The following GRIK4 variants were observed in gnomAD, a reference collection of about 807,000 sequenced individuals.
GRIK4 encodes the protein glutamate ionotropic receptor kainate type subunit 4, also known as glutamate receptor ionotropic, kainate 4.
Under a neutral mutation model 104.9 loss-of-function variants are expected in GRIK4, and 40 were observed. That is an observed-to-expected ratio of 0.38 (90% CI 0.30 to 0.50). The LOEUF is 0.50. GRIK4 is among the 20% of genes least tolerant of loss of function. The pLI is 0.93. For synonymous variants in GRIK4, 485 were observed against 524.9 expected, an observed-to-expected ratio of 0.92 and a Z score of 1.04; for missense variants, 1,047 against 1,308.1, an observed-to-expected ratio of 0.80 and a Z score of 3.08.
At chr11:120,674,299 T>C (rs1478021960) in intron 3 of GRIK4, among the ~76,000 whole-genome samples, 1 of 152,216 alleles carries the variant, frequency 6.6e-6, no homozygotes, top group African/African-American at 2.4e-5. Context: ...GGTGGGGATC[T>C]GGCCTCTAGG....
intron 8 of GRIK4, among the ~76,000 whole-genome samples, chr11:120,847,254 C>T (rs1377422470): frequency 6.6e-6 from 1 of 152,192 alleles, no homozygotes; most frequent in African/African-American, 2.4e-5. Context: ...ACACAGTTCA[C>T]ACATTCCCTA....
Position 120,511,896 on chromosome 11 carries a change from AGCGGCCCCCC to A in GRIK4, c.-159+15_-159+24del, listed in dbSNP as rs1232587659. 48 of 155,166 alleles carry A rather than the reference AGCGGCCCCCC, an allele frequency of 3.1e-4. No individual in the cohort carries two copies. Among genetic ancestry groups the A allele is most frequent in the African/African-American group, 1.1e-3 (41 of 36,368 alleles). 9.6% of individuals were successfully genotyped at this position (155,166 alleles called of 1,614,324 possible). Reference sequence around the variant, plus strand: ...AGTGCGGAGCCGACCAGGTAAGGGCAGCGGCCCCCCGCGGCGCCCCCGGCCCGCTCCCTGC... The same window carrying A: ...AGTGCGGAGCCGACCAGGTAAGGGCAGCGGCGCCCCCGGCCCGCTCCCTGC... On this transcript the variant is annotated intron_variant, in intron 1 of 20. Transcript: ENST00000527524.
Position 120,899,519 on chromosome 11 carries a change from C to T in GRIK4, c.1272+880C>T, listed in dbSNP as rs549662803. Among the ~76,000 whole-genome samples the T allele has an allele frequency of 2.6e-4, 39 of 152,080 alleles. No individual in the cohort carries two copies. In the South Asian group the frequency reaches 7.9e-3, roughly 31 times the overall value. On this transcript the variant is annotated intron_variant, in intron 12 of 20. Transcript: ENST00000527524. ...AATTGCCAAGTTCACCCTCCCTTCC[C>T]TGTCCCCCTGCCATGTGCCAGGTGC...
intron 3 of GRIK4, among the ~76,000 whole-genome samples, chr11:120,801,989 G>T (rs1182785738): frequency 1.3e-5 from 2 of 152,170 alleles, no homozygotes; most frequent in Admixed American, 1.3e-4. Flanking sequence ...GGCAACTGTT[G>T]GTATTACACC....
At chr11:120,947,335 G>GAGGTTGT (rs1565455927) in intron 14 of GRIK4, among the ~76,000 whole-genome samples, 1 of 151,694 alleles carries the variant, frequency 6.6e-6, no homozygotes, top group African/African-American at 2.4e-5. Flanking sequence ...CCGGGAGGTG[G>GAGGTTGT]AGGTTGTAGT....
intron 1 of GRIK4, among the ~76,000 whole-genome samples, chr11:120,522,786 T>G (rs34160337): frequency 0.087 from 13,312 of 152,222 alleles, 659 homozygotes; most frequent in African/African-American, 0.13. Context: ...CAACAGCCTG[T>G]GGGCCTAGAG....
intron 2 of GRIK4, among the ~76,000 whole-genome samples, chr11:120,654,757 C>G (rs1469568819): frequency 6.6e-6 from 1 of 152,120 alleles, no homozygotes; most frequent in African/African-American, 2.4e-5. Context: ...ATTAACATCC[C>G]CATATTACGA....
chr11:120,833,876 G>A (rs1416017871), intron 7 of GRIK4, among the ~76,000 whole-genome samples: 4 of 152,120 alleles, frequency 2.6e-5, no homozygotes, highest in Admixed American at 6.5e-5. Flanking sequence ...ATTCTATGCC[G>A]TGCATTTTCC....
rs559890994 is a variant in GRIK4 at position 120,545,517 on chromosome 11, C to T, written c.-159+33630C>T. Among the ~76,000 whole-genome samples, 4 of 152,294 alleles carry T rather than the reference C, an allele frequency of 2.6e-5. No individual in the cohort carries two copies. The South Asian group carries it at 6.2e-4, about 24-fold the overall frequency. On this transcript the variant is annotated intron_variant, in intron 1 of 20. Transcript: ENST00000527524. ...GTAAGCACTATTCGAGGTGTTTTGACGTACGATTATTATTAACCATTCTTT... is the reference window on the plus strand; with the variant it reads ...GTAAGCACTATTCGAGGTGTTTTGATGTACGATTATTATTAACCATTCTTT...
chr11:120,652,738 T>C (rs572708831), intron 1 of GRIK4, among the ~76,000 whole-genome samples: 1 of 152,210 alleles, frequency 6.6e-6, no homozygotes, highest in African/African-American at 2.4e-5. Flanking sequence ...CCACAGAGAC[T>C]GGTGGCTATC....
At chr11:120,554,282 G>T (rs183800470) in intron 1 of GRIK4, among the ~76,000 whole-genome samples, 1 of 152,192 alleles carries the variant, frequency 6.6e-6, no homozygotes. Flanking sequence ...TTCTAAAACC[G>T]CTCTGGATAG....
At chr11:120,674,510 A>G (rs11217961) in intron 3 of GRIK4, among the ~76,000 whole-genome samples, 23,695 of 152,216 alleles carry the variant, frequency 0.16, 2,004 homozygotes, top group South Asian at 0.23. Flanking sequence ...AGTGTCTAAA[A>G]ATCACTGCAT....
At chr11:120,805,283 C>G (rs1007170455) in intron 4 of GRIK4, among the ~76,000 whole-genome samples, 3 of 152,170 alleles carry the variant, frequency 2.0e-5, no homozygotes, top group Admixed American at 6.5e-5. Context: ...GTAGTCCATA[C>G]TTTGAAAAGC....
intron 8 of GRIK4, among the ~76,000 whole-genome samples, chr11:120,848,868 C>A (rs1953909993): frequency 6.6e-6 from 1 of 151,954 alleles, no homozygotes; most frequent in Admixed American, 6.6e-5. Flanking sequence ...TGCCAGATAC[C>A]CTCAATTCCT....
At chr11:120,598,223 CT>C (rs1948832186) in intron 1 of GRIK4, among the ~76,000 whole-genome samples, 1 of 152,174 alleles carries the variant, frequency 6.6e-6, no homozygotes, top group Non-Finnish European at 1.5e-5. Context: ...GTGCATCCGA[CT>C]TTTTCCATCC....
chr11:120,743,414 G>A (rs1951375489), intron 3 of GRIK4, among the ~76,000 whole-genome samples: 1 of 152,032 alleles, frequency 6.6e-6, no homozygotes, highest in Non-Finnish European at 1.5e-5. Flanking sequence ...AGACACAGGG[G>A]TCTACTTGAG....
chr11:120,824,177 A>G lies in GRIK4; in HGVS notation c.511+4257A>G, dbSNP rs113939361. On this transcript the variant is annotated intron_variant, in intron 6 of 20. Transcript: ENST00000527524. ...CTTCCTTCCCAAAAGTAGATTTTTA[A>G]TAAGCAGGTTTTGGACCAAGTAGAG... 7.4e-4 allele frequency among the ~76,000 whole-genome samples: 112 copies of G among 152,374 alleles called. 3 individuals are homozygous for G. Among genetic ancestry groups the G allele is most frequent in the African/African-American group, 2.5e-3 (105 of 41,582 alleles).
chr11:120,651,274 C>T (rs970328374), intron 1 of GRIK4, among the ~76,000 whole-genome samples: 1 of 152,186 alleles, frequency 6.6e-6, no homozygotes, highest in African/African-American at 2.4e-5. Context: ...TTGAAGCAAC[C>T]TTTCCAGGGA....
chr11:120,709,600 TG>T (rs1950690164), intron 3 of GRIK4, among the ~76,000 whole-genome samples: 1 of 152,230 alleles, frequency 6.6e-6, no homozygotes, highest in Admixed American at 6.5e-5. Flanking sequence ...TTTTGCAATG[TG>T]GGATTTTAAT....
Sources: allele counts gnomAD v4.1 joint callset (sites outside exome capture counted in the v4.1 genomes callset), GRCh38; gene constraint gnomAD v4.1.1; transcripts MANE v1.5; gene names NCBI Gene and HGNC (gene_info 2026-07-23, HGNC 2026-07-21).